The following TMEM222 variants were observed in gnomAD, a reference collection of about 807,000 sequenced individuals.
TMEM222 encodes the protein transmembrane protein 222.
A neutral mutation model predicts 25.1 loss-of-function variants in TMEM222; 18 were observed. The ratio of observed to expected loss-of-function variants is 0.72; its 90% CI spans 0.50 to 1.06. The LOEUF is 1.06. Ranked by LOEUF, TMEM222 falls within the 50% of genes least tolerant of loss-of-function variation. The probability of loss-of-function intolerance (pLI) is 0.00; values close to 1 mark genes in which losing one functional copy is unlikely to be tolerated. For missense variants in TMEM222, 296 were observed against 293.7 expected (o/e 1.01, Z -0.06); for synonymous variants, 131 against 117.9 (o/e 1.11, Z -0.72).
In TMEM222 at chr1:27,332,956, A is replaced by C. The variant is rs1427278131; in HGVS notation, c.311+855A>C. The C allele has an allele frequency of 1.7e-5, 5 of 286,048 alleles. No homozygotes were observed. The East Asian group carries it at 4.2e-4, about 24-fold the overall frequency. The allele number at this position is 286,048 out of a possible 1,614,324, so 17.7% of individuals were successfully genotyped here. ...CCACCAAGCCATTCCCCTACACAAC[A>C]GCCAGGGGGCGCCCTGACCTCCCAG... On this transcript the variant is annotated intron_variant, in intron 3 of 5. Coordinates refer to ENST00000374076, the MANE Select transcript of TMEM222 (RefSeq NM_032125.3).
intron 3 of TMEM222, chr1:27,333,701 A>T: frequency 1.9e-6 from 1 of 533,818 alleles, no homozygotes; most frequent in South Asian, 2.1e-5. Flanking sequence ...AGATTTCAAC[A>T]TATGAACTTG....
rs761833046 is a variant in TMEM222 at position 27,334,004 on chromosome 1, G to T, written c.358G>T (p.Ala120Ser). 19 of 1,614,126 alleles carry T rather than the reference G, an allele frequency of 1.2e-5. No individual in the cohort carries two copies. Among genetic ancestry groups the T allele is most frequent in the Non-Finnish European group, 9.3e-6 (11 of 1,180,026 alleles). The change falls in exon 4 of 6, where the codon GCA becomes TCA. Residue 120 changes from alanine (A) to serine (S), a missense_variant. Transcript: ENST00000374076. ...TCAGGTCTATGCTAGCGGGCCCAAC[G>T]CATGGGACACGGCTGTGCACGACGC... ...PAQVYASGPN[A>S]WDTAVHDASE...
At chr1:27,326,588 A>G (rs2014356372) in intron 1 of TMEM222, among the ~76,000 whole-genome samples, 1 of 152,186 alleles carries the variant, frequency 6.6e-6, no homozygotes, top group African/African-American at 2.4e-5. Flanking sequence ...AACAGCTAAG[A>G]TTAGATGCTT....
chr1:27,331,525 T>C (rs1001820169), intron 2 of TMEM222, among the ~76,000 whole-genome samples: 6 of 152,248 alleles, frequency 3.9e-5, no homozygotes, highest in Admixed American at 6.5e-5. Flanking sequence ...TCTGTCTCTG[T>C]GTAAGTCCTG....
Position 27,330,810 on chromosome 1 carries a change from T to A in TMEM222, c.279+6T>A. The A allele has an allele frequency of 1.9e-6, 3 of 1,613,916 alleles. No individual in the cohort carries two copies. ...CGGGCCCCTACTTTGTCTCAGTGAG[T>A]CCCCATTCTGCCCACCCGGGGGGTT... is the stretch of plus-strand genomic sequence containing the variant. On this transcript the variant is annotated splice_donor_region_variant and intron_variant, in intron 2 of 5. Coordinates refer to ENST00000374076, the MANE Select transcript of TMEM222 (RefSeq NM_032125.3).
At position 27,322,274 on chromosome 1, in the gene TMEM222, C is replaced by G; in HGVS notation, c.77C>G (p.Ala26Gly). ...PPPPRMAEVE[A>G]PTAAETDMKQ... ...CCGCCCAGGATGGCGGAAGTGGAGG[C>G]GCCGACGGCGGCCGAGACGGACATG... Residue 26 changes from alanine (A) to glycine (G), a missense_variant, in exon 1 of 6, where the codon GCG (alanine) becomes GGG (glycine). Coordinates refer to ENST00000374076, the MANE Select transcript of TMEM222 (RefSeq NM_032125.3). 6.5e-7 allele frequency: 1 copy of G among 1,544,892 alleles called. No homozygotes were observed.
At chr1:27,332,825 C>G (rs2014512190) in intron 3 of TMEM222, 2 of 407,736 alleles carry the variant, frequency 4.9e-6, no homozygotes, top group Non-Finnish European at 9.1e-6. Context: ...TCTGGGCCAC[C>G]AGGTGTTCGC....
chr1:27,335,089 C>G, intron 5 of TMEM222: 3 of 490,582 alleles, frequency 6.1e-6, no homozygotes, highest in Non-Finnish European at 1.1e-5. Context: ...ATAGATGGAG[C>G]CAGTGAGGCC....
Position 27,334,066 on chromosome 1 carries a change from A to G in TMEM222, c.408+12A>G, listed in dbSNP as rs1290439054. ...ACAAGCACCGCATGGTAGGTGGGCCAGGGCGGCACCGGCACTCCCCAGGTG... is the reference window on the plus strand; with the variant it reads ...ACAAGCACCGCATGGTAGGTGGGCCGGGGCGGCACCGGCACTCCCCAGGTG... On this transcript the variant is annotated intron_variant, in intron 4 of 5. Coordinates refer to ENST00000374076, the MANE Select transcript of TMEM222 (RefSeq NM_032125.3). The G allele has an allele frequency of 1.2e-6, 2 of 1,614,106 alleles. No homozygotes were observed. Among genetic ancestry groups the G allele is most frequent in the Non-Finnish European group, 8.5e-7 (1 of 1,179,998 alleles).
rs2148018934 is a variant in TMEM222 at position 27,334,098 on chromosome 1, AG to A, written c.409-47del. Reference sequence around the variant, plus strand: ...CACCGGCACTCCCCAGGTGGGGACCAGGGGGGAGGCTCCCCTGCAGCCCATC... The same window carrying A: ...CACCGGCACTCCCCAGGTGGGGACCAGGGGGAGGCTCCCCTGCAGCCCATC... On this transcript the variant is annotated intron_variant, in intron 4 of 5. Transcript: ENST00000374076. 2.5e-6 allele frequency: 4 copies of A among 1,613,722 alleles called. No homozygotes were observed. The East Asian group carries it at 8.9e-5, about 36-fold the overall frequency.
chr1:27,335,448 G>A lies in TMEM222; in HGVS notation c.609G>A (p.Leu203=), dbSNP rs940173148. ...TGGGCATCATCCTCACCGTCAGCCT[G>A]GTCTTTAACCTCCGGTGATGGCTGC... ...LLLGIILTVS[L]VFNLR Residue 203 remains leucine (L), a synonymous_variant, in exon 6 of 6, where the codon CTG becomes CTA. Transcript: ENST00000374076. 1.2e-6 allele frequency: 2 copies of A among 1,614,046 alleles called. No individual in the cohort carries two copies. The highest frequency in any genetic ancestry group is 2.7e-5 in the African/African-American group (2 of 74,924).
intron 1 of TMEM222, among the ~76,000 whole-genome samples, 185 bp from the exon 2 acceptor site, chr1:27,330,534 AT>A (rs1284810489): frequency 6.6e-6 from 1 of 152,068 alleles, no homozygotes; most frequent in African/African-American, 2.4e-5. Flanking sequence ...GAGGTATCCC[AT>A]TGTGCTGTCG....
At chr1:27,329,091 G>A (rs1571009237) in intron 1 of TMEM222, among the ~76,000 whole-genome samples, 1 of 152,112 alleles carries the variant, frequency 6.6e-6, no homozygotes, top group East Asian at 1.9e-4. Context: ...TTATTTCCTG[G>A]CATACACCAT....
chr1:27,330,755 G>C lies in TMEM222; in HGVS notation c.230G>C (p.Cys77Ser). The C allele has an allele frequency of 6.2e-7, 1 of 1,614,158 alleles. No homozygotes were observed. Among genetic ancestry groups the C allele is most frequent in the South Asian group, 1.1e-5 (1 of 91,082 alleles). Reference sequence around the variant, plus strand: ...CCCATCATCGGCCACATGGGCATCTGCACATCCACAGGAGTCATTCGGGAC... The same window carrying C: ...CCCATCATCGGCCACATGGGCATCTCCACATCCACAGGAGTCATTCGGGAC... ...FFPIIGHMGI[C>S]TSTGVIRDFA... Residue 77 changes from cysteine to serine, a missense_variant, in exon 2 of 6, where the codon TGC becomes TCC. Physicochemically the swap from Cys to Ser is moderately radical, Grantham distance 112 (BLOSUM62 -1). Transcript: ENST00000374076.
rs544918956 is a variant in TMEM222 at position 27,336,058 on chromosome 1, A to T, written c.*592A>T. 6.4e-6 allele frequency: 1 copy of T among 155,896 alleles called. No individual in the cohort carries two copies. The highest frequency in any genetic ancestry group is 1.4e-5 in the Non-Finnish European group (1 of 70,182). 9.7% of individuals were successfully genotyped at this position (155,896 alleles called of 1,614,324 possible). A position where few individuals can be genotyped will look rare whatever the true frequency, so the allele number is the denominator to read the frequency against. ...CGTGCAGTCCGCTCTTCACTGTTCC[A>T]CGGCCTCCCAGTGCCTCCCAGCATT... On this transcript the variant is annotated 3_prime_UTR_variant, in exon 6 of 6. Transcript: ENST00000374076.
chr1:27,335,476 G>C lies in TMEM222; in HGVS notation c.*10G>C. On this transcript the variant is annotated 3_prime_UTR_variant, in exon 6 of 6. Coordinates refer to ENST00000374076, the MANE Select transcript of TMEM222 (RefSeq NM_032125.3). The stretch of plus-strand genomic sequence containing the variant: ...CTTTAACCTCCGGTGATGGCTGCTC[G>C]GTGGCCCCACACCCACCAGGGTCCC... 2 of 1,613,706 alleles carry C rather than the reference G, an allele frequency of 1.2e-6. No individual in the cohort carries two copies. Among genetic ancestry groups the C allele is most frequent in the Non-Finnish European group, 1.7e-6 (2 of 1,179,706 alleles).
chr1:27,326,058 A>G (rs2014341657), intron 1 of TMEM222, among the ~76,000 whole-genome samples: 1 of 152,172 alleles, frequency 6.6e-6, no homozygotes, highest in East Asian at 1.9e-4. Context: ...CCCTTAGTAC[A>G]TGTGGCTTGG....
At chr1:27,326,959 C>T (rs541161445) in intron 1 of TMEM222, among the ~76,000 whole-genome samples, 2 of 151,156 alleles carry the variant, frequency 1.3e-5, no homozygotes, top group South Asian at 4.2e-4. Flanking sequence ...ACAGCTGTGG[C>T]GTGTGGAATC....
At chr1:27,325,392 C>T (rs1354059626) in intron 1 of TMEM222, 6 of 1,019,650 alleles carry the variant, frequency 5.9e-6, no homozygotes, top group Non-Finnish European at 9.3e-6. Flanking sequence ...GAGCTACAAG[C>T]TGCCGGATGG....
Sources: allele counts gnomAD v4.1 joint callset (sites outside exome capture counted in the v4.1 genomes callset), GRCh38; gene constraint gnomAD v4.1.1; transcripts MANE v1.5; gene names NCBI Gene and HGNC (gene_info 2026-07-23, HGNC 2026-07-21).